Variants in CMTM4 observed in about 807,000 individuals in gnomAD.
CMTM4 encodes the protein CKLF-like MARVEL transmembrane domain-containing protein 4.
In CMTM4, 8 loss-of-function variants were observed where a neutral mutation model predicts 19.0. The ratio of observed to expected loss-of-function variants is 0.42; its 90% CI spans 0.25 to 0.76. CMTM4 has a LOEUF of 0.76. Among genes scored for constraint, CMTM4 ranks in the 30% least tolerant of loss-of-function variants. The pLI is 0.27. For synonymous variants in CMTM4, 106 were observed against 121.1 expected (o/e 0.88, Z 0.82); for missense variants, 228 against 290.2 (o/e 0.79, Z 1.56).
chr16:66,601,576 G>A, the CMTM4 span, among the ~76,000 whole-genome samples: 1 of 152,218 alleles, frequency 6.6e-6, no homozygotes, highest in Non-Finnish European at 1.5e-5. Flanking sequence ...GGTCGGACTG[G>A]CAGCCTGGCC....
chr16:66,604,316 A>T, the CMTM4 span: 1,037 of 151,514 alleles, frequency 6.8e-3, 7 homozygotes, highest in Middle Eastern at 0.02. Flanking sequence ...TCGCAAGAAA[A>T]CTCCGGCCCC....
chr16:66,664,562 C>G (rs866053606), intron 1 of CMTM4, among the ~76,000 whole-genome samples: 10 of 151,770 alleles, frequency 6.6e-5, no homozygotes, highest in Middle Eastern at 3.4e-3. Context: ...GTATTTCATT[C>G]TAAGTAATGA....
At chr16:66,672,243 CAA>C (rs112556957) in intron 1 of CMTM4, among the ~76,000 whole-genome samples, 5 of 141,744 alleles carry the variant, frequency 3.5e-5, no homozygotes, top group Admixed American at 7.0e-5. Flanking sequence ...ACTAAAAATA[CAA>C]AAAAAAAAAA....
rs943337461 is a variant in CMTM4 at position 66,621,410 on chromosome 16, G to T, written c.*648C>A. ...CCATATTCCTGGAGAAGAATCTGGG[G>T]TTCAGGAAGGTGATTCATTTGAGGA... On this transcript the variant is annotated 3_prime_UTR_variant, in exon 4 of 4. Coordinates refer to ENST00000394106, the MANE Select transcript of CMTM4 (RefSeq NM_181521.3). The T allele has an allele frequency of 2.0e-6, 2 of 985,798 alleles. No homozygotes were observed. The highest frequency in any genetic ancestry group is 6.1e-5 in the Admixed American group (1 of 16,274). 61.1% of individuals were successfully genotyped at this position (985,798 alleles called of 1,614,324 possible). A position where few individuals can be genotyped will look rare whatever the true frequency, so the allele number is the denominator to read the frequency against.
chr16:66,649,351 A>G (rs2016266452), intron 1 of CMTM4, among the ~76,000 whole-genome samples: 1 of 152,142 alleles, frequency 6.6e-6, no homozygotes, highest in Non-Finnish European at 1.5e-5. Context: ...AGGATCTACT[A>G]CATGCCAGGC....
chr16:66,694,601 T>A (rs2050638684), intron 1 of CMTM4, among the ~76,000 whole-genome samples: 1 of 149,984 alleles, frequency 6.7e-6, no homozygotes, highest in South Asian at 2.1e-4. Context: ...TAATCCCAGC[T>A]ACTCGGGAGG....
intron 1 of CMTM4, among the ~76,000 whole-genome samples, chr16:66,686,454 C>G (rs975263890): frequency 6.8e-6 from 1 of 147,118 alleles, no homozygotes; most frequent in Non-Finnish European, 1.5e-5. Context: ...GAGGCGGAGG[C>G]AGGAGAATTG....
rs1351047611 is a variant in CMTM4, at chr16:66,696,578, G to C, written c.-53C>G. On this transcript the variant is annotated 5_prime_UTR_variant, in exon 1 of 4. Transcript: ENST00000394106. This position sits in a 1 kb window ranked among gnomAD's most constrained non-coding sequence, Gnocchi z 4.3. ...GCGGCTGGCTCCCGGCGCCAGGAGC[G>C]GGCGGACTCAGCGGGGCCGCCGCAT... 1.8e-6 allele frequency: 2 copies of C among 1,097,142 alleles called. No individual in the cohort carries two copies. The highest frequency in any genetic ancestry group is 2.2e-6 in the Non-Finnish European group (2 of 895,738). 68.0% of individuals were successfully genotyped at this position (1,097,142 alleles called of 1,614,324 possible).
intron 1 of CMTM4, among the ~76,000 whole-genome samples, chr16:66,664,822 A>G (rs1368130798): frequency 6.6e-6 from 1 of 152,244 alleles, no homozygotes; most frequent in African/African-American, 2.4e-5. Context: ...AAATTTAAGC[A>G]TACTAATAAT....
rs781624828 is a variant in CMTM4 at position 66,622,266 on chromosome 16, G to T, written c.463-44C>A. On this transcript the variant is annotated intron_variant, in intron 3 of 3. Transcript: ENST00000394106. The surrounding 1 kb of genome is among the most constrained non-coding windows in gnomAD (Gnocchi z 4.0). ...AGTTAGTCCTCGGGCACGTGGCCTG[G>T]CCCCTCAAGGCTTCTGTGGTGACCC... is the stretch of plus-strand genomic sequence containing the variant. 1 of 1,596,722 alleles carries T rather than the reference G, an allele frequency of 6.3e-7. No homozygotes were observed. The highest frequency in any genetic ancestry group is 8.5e-7 in the Non-Finnish European group (1 of 1,171,518).
chr16:66,613,859 G>T (rs1415389173), downstream of CMTM4: 1 of 152,000 alleles, frequency 6.6e-6, no homozygotes, highest in East Asian at 1.9e-4. Context: ...TTCAGTTTTA[G>T]CAAAAATACA....
chr16:66,613,233 A>G (rs1232932811), downstream of CMTM4: 1 of 677,270 alleles, frequency 1.5e-6, no homozygotes, highest in Non-Finnish European at 2.7e-6. Flanking sequence ...GGCACCCATA[A>G]CTAACACCTC....
intron 1 of CMTM4, among the ~76,000 whole-genome samples, chr16:66,695,429 G>C (rs2017215508): frequency 6.6e-6 from 1 of 152,306 alleles, no homozygotes; most frequent in East Asian, 1.9e-4. Flanking sequence ...GCCTCAGAAG[G>C]CCTACCTGTG....
intron 1 of CMTM4, among the ~76,000 whole-genome samples, chr16:66,695,253 GAGA>G (rs1407359952): frequency 6.6e-6 from 1 of 152,132 alleles, no homozygotes; most frequent in African/African-American, 2.4e-5. Flanking sequence ...AAGCTGAGGT[GAGA>G]AGATCGCTTG....
At chr16:66,646,472 A>C (rs893111280) in intron 1 of CMTM4, among the ~76,000 whole-genome samples, 1 of 152,178 alleles carries the variant, frequency 6.6e-6, no homozygotes, top group Non-Finnish European at 1.5e-5. Flanking sequence ...TTCAGGAAGA[A>C]TCTATAGTAA....
At position 66,636,517 on chromosome 16, in the gene CMTM4, A is replaced by G; in HGVS notation, c.251T>C (p.Leu84Pro). The change falls in exon 2 of 4, where the codon CTC (leucine) becomes CCC (proline). Residue 84 changes from leucine (L) to proline (P), a missense_variant. By Grantham distance (98) the Leu-to-Pro change is moderately conservative. Coordinates refer to ENST00000394106, the MANE Select transcript of CMTM4 (RefSeq NM_181521.3). Reference protein sequence around the residue: ...TIMACSPCEGLYFFEFVSCSA... With the variant: ...TIMACSPCEGPYFFEFVSCSA... ...GCAGCTCACAAACTCAAAAAAGTAGAGGCCTTCACACGGGGAGCATGCCAT... is the reference window on the plus strand; with the variant it reads ...GCAGCTCACAAACTCAAAAAAGTAGGGGCCTTCACACGGGGAGCATGCCAT... The G allele has an allele frequency of 6.2e-7, 1 of 1,614,242 alleles. No individual in the cohort carries two copies.
At chr16:66,651,368 G>A (rs1184139008) in intron 1 of CMTM4, among the ~76,000 whole-genome samples, 1 of 152,088 alleles carries the variant, frequency 6.6e-6, no homozygotes, top group African/African-American at 2.4e-5. Flanking sequence ...TCTGCAAACG[G>A]GGGCAAATAG....
intron 1 of CMTM4, among the ~76,000 whole-genome samples, chr16:66,652,291 G>A (rs1374382057): frequency 1.3e-5 from 2 of 152,174 alleles, no homozygotes; most frequent in South Asian, 2.1e-4. Context: ...AAGAAAGCCC[G>A]CCAGCCTCCG....
At chr16:66,675,208 A>G (rs355931) in intron 1 of CMTM4, among the ~76,000 whole-genome samples, 14,036 of 150,924 alleles carry the variant, frequency 0.093, 895 homozygotes, top group East Asian at 0.25. Flanking sequence ...AGCCTCCCAA[A>G]TAGCTGGGAT....
Sources: gnomAD v4.1 joint callset for allele counts (sites outside exome capture counted in the v4.1 genomes callset) on GRCh38, gnomAD v4.1.1 for gene constraint, Gnocchi (gnomAD v3.1) non-coding constraint, MANE v1.5 for transcripts, NCBI Gene and HGNC (gene_info 2026-07-23, HGNC 2026-07-21) for gene names.